The following DOCK2 variants were observed in gnomAD, a reference collection of about 807,000 sequenced individuals.
The protein encoded by DOCK2 is dedicator of cytokinesis 2.
A neutral mutation model predicts 248.9 loss-of-function variants in DOCK2; 87 were observed. The observed-to-expected ratio is 0.35, with a 90% confidence interval of 0.29 to 0.42. The LOEUF is 0.42. Among genes scored for constraint, DOCK2 ranks in the 10% least tolerant of loss-of-function variants. The pLI, the probability that DOCK2 is intolerant of heterozygous loss-of-function variation, is 1.00. For synonymous variants in DOCK2, 805 were observed against 821.6 expected, an observed-to-expected ratio of 0.98 and a Z score of 0.35; for missense variants, 1,747 against 2,300.2, an observed-to-expected ratio of 0.76 and a Z score of 4.92.
At chr5:170,038,825 C>T (rs1158756157) in intron 36 of DOCK2, among the ~76,000 whole-genome samples, 1 of 152,160 alleles carries the variant, frequency 6.6e-6, no homozygotes, top group Non-Finnish European at 1.5e-5. Flanking sequence ...TTGAAAGTAG[C>T]AGGGAAGCTC....
intron 10 of DOCK2, among the ~76,000 whole-genome samples, chr5:169,696,608 A>C (rs1488820236): frequency 6.6e-6 from 1 of 152,226 alleles, no homozygotes; most frequent in Non-Finnish European, 1.5e-5. Context: ...TTCCTGTGAA[A>C]ATGGCAATTT....
intron 25 of DOCK2, among the ~76,000 whole-genome samples, chr5:169,771,705 T>C (rs35287783): frequency 0.12 from 18,728 of 152,254 alleles, 1,410 homozygotes; most frequent in Non-Finnish European, 0.17. Context: ...TTATACCTTG[T>C]CTTTTTATTT....
intron 26 of DOCK2, 58 bp downstream of exon 26, chr5:169,803,264 A>G: frequency 1.3e-6 from 2 of 1,565,356 alleles, no homozygotes; most frequent in Non-Finnish European, 1.7e-6. Context: ...AGTTGATTAC[A>G]TTGTGAAATA....
chr5:169,804,467 TGTGTGTGTGTGTGTGTGTGCGCGC>T (rs1485888301), intron 26 of DOCK2, among the ~76,000 whole-genome samples: 2 of 82,020 alleles, frequency 2.4e-5, no homozygotes, highest in African/African-American at 3.1e-5. Context: ...TGTGTGTGTG[TGTGTGTGTGTGTGTGTGTGCGCGC>T]GCGCGTGCGC....
chr5:169,872,964 A>G (rs6873234), intron 27 of DOCK2, among the ~76,000 whole-genome samples: 4,704 of 152,338 alleles, frequency 0.031, 137 homozygotes, highest in African/African-American at 0.076. Flanking sequence ...GGCTGATTCA[A>G]CAAATGGTAA....
Position 169,803,084 on chromosome 5 carries a change from A to G in DOCK2, c.2581A>G (p.Ile861Val), listed in dbSNP as rs369306554. ...ATGCCGGGACATTCTGCTTCCTGTC[A>G]TCACCAAAGAGCTGAAGGAGCTGCT... ...QECRDILLPV[I>V]TKELKELLEQ... Residue 861 changes from isoleucine (I) to valine (V), a missense_variant, in exon 26 of 52, where the codon ATC (isoleucine) becomes GTC (valine). This residue lies in a region of DOCK2 where 858 missense variants were observed against 1,183.5 expected (regional missense o/e 0.72). Coordinates refer to ENST00000520908, the MANE Select transcript of DOCK2 (RefSeq NM_004946.3). 6 of 1,614,046 alleles carry G rather than the reference A, an allele frequency of 3.7e-6. No homozygotes were observed. The highest frequency in any genetic ancestry group is 2.7e-5 in the African/African-American group (2 of 74,924).
chr5:169,764,966 C>T lies in DOCK2; in HGVS notation c.2554+3341C>T, dbSNP rs916189276. 2.0e-5 allele frequency among the ~76,000 whole-genome samples: 3 copies of T among 151,850 alleles called. No individual in the cohort carries two copies. Among genetic ancestry groups the T allele is most frequent in the Admixed American group, 1.3e-4 (2 of 15,234 alleles). ...GGTCAAGGTGAAATATTTGTGATTT[C>T]TCACTTCATTGTTTGTGTTACTACA... On this transcript the variant is annotated intron_variant, in intron 25 of 51. Transcript: ENST00000520908. This position sits in a 1 kb window ranked among gnomAD's most constrained non-coding sequence, Gnocchi z 4.3.
At chr5:170,002,824 C>T (rs1479231621) in intron 30 of DOCK2, among the ~76,000 whole-genome samples, 1 of 152,132 alleles carries the variant, frequency 6.6e-6, no homozygotes, top group Non-Finnish European at 1.5e-5. Context: ...ATCTCTTCCC[C>T]AGGGCAAAGA....
At chr5:169,819,173 G>A (rs986347564) in intron 26 of DOCK2, among the ~76,000 whole-genome samples, 14 of 152,294 alleles carry the variant, frequency 9.2e-5, no homozygotes, top group Middle Eastern at 3.4e-3. Context: ...GGCCAGGCCC[G>A]TTGGCTCATG....
intron 35 of DOCK2, among the ~76,000 whole-genome samples, chr5:170,035,583 T>G (rs568659544): frequency 6.6e-6 from 1 of 152,268 alleles, no homozygotes; most frequent in African/African-American, 2.4e-5. Flanking sequence ...CAGAGTTGGT[T>G]GAGGAAAGTG....
intron 46 of DOCK2, among the ~76,000 whole-genome samples, chr5:170,070,766 C>T (rs1408908558): frequency 2.0e-5 from 3 of 152,198 alleles, no homozygotes; most frequent in Admixed American, 1.3e-4. Context: ...ACCTCTTCTC[C>T]TCTGGAAACA....
chr5:169,859,958 C>CT (rs759586059), intron 27 of DOCK2, among the ~76,000 whole-genome samples: 1,847 of 107,118 alleles, frequency 0.017, 29 homozygotes, highest in Non-Finnish European at 0.024. Flanking sequence ...GTGGATCCTT[C>CT]TTTTTTTTTT....
chr5:169,960,470 T>C (rs1438247433), intron 27 of DOCK2, among the ~76,000 whole-genome samples: 1 of 152,206 alleles, frequency 6.6e-6, no homozygotes, highest in Non-Finnish European at 1.5e-5. Context: ...GTGAGTAGGC[T>C]CAAATCTCAT....
intron 30 of DOCK2, among the ~76,000 whole-genome samples, chr5:169,997,303 G>A (rs1474309500): frequency 1.5e-5 from 2 of 134,440 alleles, no homozygotes; most frequent in Non-Finnish European, 3.1e-5. Flanking sequence ...GCATACAATC[G>A]GGTTTTATAC....
At chr5:169,961,736 G>C (rs1371033719) in intron 27 of DOCK2, among the ~76,000 whole-genome samples, 1 of 152,090 alleles carries the variant, frequency 6.6e-6, no homozygotes, top group South Asian at 2.1e-4. Context: ...CCAGCACTTT[G>C]GGAGGCCGAG....
At chr5:169,701,796 G>A (rs776921271) in intron 13 of DOCK2, among the ~76,000 whole-genome samples, 6 of 152,172 alleles carry the variant, frequency 3.9e-5, no homozygotes, top group African/African-American at 1.4e-4. Context: ...GGGATTACAG[G>A]CATGAGCTAC....
chr5:170,078,512 G>A (rs1561911474), intron 48 of DOCK2, among the ~76,000 whole-genome samples: 1 of 152,156 alleles, frequency 6.6e-6, no homozygotes, highest in Non-Finnish European at 1.5e-5. Context: ...CTTACCATAT[G>A]CCAAGAATAT....
chr5:169,649,243 T>G (rs1042136417), intron 1 of DOCK2, among the ~76,000 whole-genome samples: 2 of 152,250 alleles, frequency 1.3e-5, no homozygotes, highest in African/African-American at 2.4e-5. Flanking sequence ...TGGTGTTGGC[T>G]GAAGCTTGTG....
chr5:169,720,877 C>T (rs7719868), intron 22 of DOCK2, among the ~76,000 whole-genome samples: 8,694 of 152,216 alleles, frequency 0.057, 338 homozygotes, highest in Non-Finnish European at 0.091. Flanking sequence ...ATTACAGGCA[C>T]GCATCACCAC....
Sources: gnomAD v4.1 joint callset for allele counts (sites outside exome capture counted in the v4.1 genomes callset) on GRCh38, gnomAD v4.1.1 for gene constraint, gnomAD v4.1.1 regional missense constraint, Gnocchi (gnomAD v3.1) non-coding constraint, MANE v1.5 for transcripts, NCBI Gene and HGNC (gene_info 2026-07-23, HGNC 2026-07-21) for gene names.